MICA: variants seen among roughly 807,000 people sequenced by gnomAD.
MICA encodes the protein MHC class I polypeptide-related sequence A, also known as HLA class I antigen.
MICA carries 18 observed loss-of-function variants against 34.3 expected under a neutral mutation model. That is an observed-to-expected ratio of 0.52 (90% confidence interval 0.36 to 0.78). The LOEUF is 0.78. Ranked by LOEUF, MICA falls within the 30% of genes least tolerant of loss-of-function variation. MICA has a pLI of 0.00. For synonymous variants in MICA, 135 were observed against 156.9 expected (o/e 0.86, Z 1.04); for missense variants, 333 against 409.4 (o/e 0.81, Z 1.61).
chr6:31,414,520 G>A (rs1771400977), intron 5 of MICA, among the ~76,000 whole-genome samples: 2 of 152,014 alleles, frequency 1.3e-5, no homozygotes, highest in Admixed American at 6.6e-5. Flanking sequence ...TCCTGATGGG[G>A]TCCCCAGTTA....
intron 5 of MICA, among the ~76,000 whole-genome samples, chr6:31,414,645 C>T (rs1771408202): frequency 6.6e-6 from 1 of 151,918 alleles, no homozygotes; most frequent in African/African-American, 2.4e-5. Context: ...GAGAGGAGGG[C>T]CTGGGGACTG....
intron 1 of MICA, among the ~76,000 whole-genome samples, chr6:31,404,093 G>A (rs1393254156): frequency 6.6e-6 from 1 of 151,718 alleles, no homozygotes; most frequent in African/African-American, 2.4e-5. Context: ...CCCGGTGCTC[G>A]GGGCGGCTCT....
At chr6:31,408,213 G>C (rs1343682691) in intron 1 of MICA, among the ~76,000 whole-genome samples, 3 of 151,816 alleles carry the variant, frequency 2.0e-5, no homozygotes, top group Non-Finnish European at 4.4e-5. Context: ...CATAAAGAAT[G>C]ATCTTTTTTA....
chr6:31,403,614 G>C lies in MICA; in HGVS notation c.-19G>C. The C allele has an allele frequency of 1.3e-6, 2 of 1,500,080 alleles. No homozygotes were observed. Among genetic ancestry groups the C allele is most frequent in the Non-Finnish European group, 1.8e-6 (2 of 1,127,244 alleles). The allele number at this position is 1,500,080 out of a possible 1,614,324, so 92.9% of individuals were successfully genotyped here. A position where few individuals can be genotyped will look rare whatever the true frequency, so the allele number is the denominator to read the frequency against. ...CCGGCCACTGCTTGAGCCGCTGAGA[G>C]GGTGGCGACGTCGGGGCCATGGGGC... is the stretch of plus-strand genomic sequence containing the variant. On this transcript the variant is annotated 5_prime_UTR_variant, in exon 1 of 6. Coordinates refer to ENST00000449934, the MANE Select transcript of MICA (RefSeq NM_001177519.3). The surrounding 1 kb of genome is among the most constrained non-coding windows in gnomAD (Gnocchi z 4.7).
At chr6:31,410,391 C>T (rs1771032766) in intron 1 of MICA, among the ~76,000 whole-genome samples, 152 bp from the exon 2 acceptor site, 1 of 151,852 alleles carries the variant, frequency 6.6e-6, no homozygotes, top group South Asian at 2.1e-4. Flanking sequence ...CCCACCCTCA[C>T]AGTTTTCTTT....
chr6:31,409,836 G>A (rs1350502240), intron 1 of MICA, among the ~76,000 whole-genome samples: 2 of 151,574 alleles, frequency 1.3e-5, no homozygotes, highest in African/African-American at 2.4e-5. Context: ...AACACCCCCT[G>A]CCCCCAGAAC....
At chr6:31,405,033 T>A (rs1369263995) in intron 1 of MICA, among the ~76,000 whole-genome samples, 1 of 150,744 alleles carries the variant, frequency 6.6e-6, no homozygotes, top group African/African-American at 2.5e-5. Context: ...CTGAGCATCT[T>A]TCCCAAGCCC....
upstream of MICA, among the ~76,000 whole-genome samples, chr6:31,401,189 A>T (rs141136493): frequency 3.6e-4 from 55 of 151,624 alleles, no homozygotes; most frequent in Middle Eastern, 3.4e-3. Flanking sequence ...TCTCCCTCCC[A>T]GTCTCTCACT....
At chr6:31,408,723 G>A (rs1302958412) in intron 1 of MICA, among the ~76,000 whole-genome samples, 6 of 151,794 alleles carry the variant, frequency 4.0e-5, no homozygotes, top group East Asian at 3.9e-4. Context: ...TTTGAGGTTC[G>A]GTGGGCACAG....
chr6:31,409,309 C>CTGTGTGTGTGTGTGTGTGTGTGTGTG (rs35508435), intron 1 of MICA, among the ~76,000 whole-genome samples: 1,759 of 149,606 alleles, frequency 0.012, 32 homozygotes, highest in South Asian at 0.022. Context: ...CAACCTTGCT[C>CTGTGTGTGTGTGTGTGTGTGTGTGTG]TGTGTGTGTG....
intron 5 of MICA, among the ~76,000 whole-genome samples, chr6:31,412,770 C>CT (rs1212456895): frequency 6.6e-6 from 1 of 151,650 alleles, no homozygotes; most frequent in Non-Finnish European, 1.5e-5. Context: ...AGGGCGCATC[C>CT]AGGTGGGGTG....
At chr6:31,405,331 G>T (rs1770692066) in intron 1 of MICA, among the ~76,000 whole-genome samples, 1 of 150,946 alleles carries the variant, frequency 6.6e-6, no homozygotes, top group South Asian at 2.1e-4. Flanking sequence ...CCTTTTGGCA[G>T]GTCCTTCCTC....
At chr6:31,401,232 C>G (rs1770412399), upstream of MICA, among the ~76,000 whole-genome samples, 1 of 151,606 alleles carries the variant, frequency 6.6e-6, no homozygotes, top group Non-Finnish European at 1.5e-5. Flanking sequence ...AAAATAATCT[C>G]TCTAAGGTGG....
At chr6:31,408,773 GC>G (rs1343329542) in intron 1 of MICA, among the ~76,000 whole-genome samples, 2 of 151,810 alleles carry the variant, frequency 1.3e-5, no homozygotes, top group African/African-American at 4.9e-5. Context: ...GGAGGCTGAA[GC>G]AGGTGGATCA....
chr6:31,410,945 C>A, intron 2 of MICA, 127 bp from the exon 3 acceptor site: 1 of 1,466,348 alleles, frequency 6.8e-7, no homozygotes, highest in Non-Finnish European at 9.1e-7. Context: ...GGAGGTGAGC[C>A]GGCACTCAGC....
intron 2 of MICA, 118 bp downstream of exon 2, chr6:31,410,915 G>A: frequency 6.8e-7 from 1 of 1,471,514 alleles, no homozygotes; most frequent in Non-Finnish European, 9.0e-7. Context: ...TGAGGAATGG[G>A]GGTCAGTGGA....
chr6:31,404,663 C>CG (rs922050387), intron 1 of MICA, among the ~76,000 whole-genome samples: 6 of 151,938 alleles, frequency 3.9e-5, no homozygotes, highest in Admixed American at 1.3e-4. Flanking sequence ...GCCTTTTATC[C>CG]GGGGGGGTCT....
At chr6:31,403,562 TGACTAAGTTTCCGCGGC>T (rs1770561200), upstream of MICA, 1 of 1,293,880 alleles carries the variant, frequency 7.7e-7, no homozygotes. The surrounding 1 kb of genome is among the most constrained non-coding windows in gnomAD (Gnocchi z 4.7). Flanking sequence ...CCGGGCCAGG[TGACTAAGTTTCCGCGGC>T]GCCTTCTCCC....
At position 31,405,621 on chromosome 6, in the gene MICA, A is replaced by G. The variant is rs2923004; in HGVS notation, c.70+1919A>G. 4.0e-5 allele frequency among the ~76,000 whole-genome samples: 6 copies of G among 151,724 alleles called. 1 individual carries two copies. The highest frequency in any genetic ancestry group is 2.1e-4 in the South Asian group (1 of 4,808). Reference sequence around the variant, plus strand: ...TTAAATGTACAATAAATTATTGTTGACTGTACTCACCCTGCTGTGCTATCT... The same window carrying G: ...TTAAATGTACAATAAATTATTGTTGGCTGTACTCACCCTGCTGTGCTATCT... On this transcript the variant is annotated intron_variant, in intron 1 of 5. Transcript: ENST00000449934.
Sources: gnomAD v4.1 joint callset for allele counts (sites outside exome capture counted in the v4.1 genomes callset) on GRCh38, gnomAD v4.1.1 for gene constraint, Gnocchi (gnomAD v3.1) non-coding constraint, MANE v1.5 for transcripts, NCBI Gene and HGNC (gene_info 2026-07-23, HGNC 2026-07-21) for gene names.